The following CNPY1 variants were observed in gnomAD, a reference collection of about 807,000 sequenced individuals.
CNPY1 encodes the protein canopy FGF signaling regulator 1, also known as protein canopy homolog 1.
In CNPY1, 14 loss-of-function variants were observed where a neutral mutation model predicts 14.4. The observed-to-expected ratio is 0.97, with a 90% CI of 0.64 to 1.52. The LOEUF is 1.52. Among genes scored for constraint, CNPY1 ranks in the 40% most tolerant of loss-of-function variants. CNPY1 has a pLI of 0.00. For missense variants in CNPY1, 129 were observed against 131.5 expected, an observed-to-expected ratio of 0.98 and a Z score of 0.09; for synonymous variants, 43 against 46.5, an observed-to-expected ratio of 0.92 and a Z score of 0.31.
chr7:155,516,503 A>G (rs1194883474), intron 2 of CNPY1, among the ~76,000 whole-genome samples: 1 of 152,142 alleles, frequency 6.6e-6, no homozygotes, highest in Non-Finnish European at 1.5e-5. Flanking sequence ...GGGGACCTCA[A>G]TAGGAACTCT....
intron 2 of CNPY1, among the ~76,000 whole-genome samples, chr7:155,534,300 C>T (rs1392858099): frequency 1.3e-5 from 2 of 152,004 alleles, no homozygotes; most frequent in African/African-American, 2.4e-5. Context: ...CACACTCACA[C>T]GTGCATGCAC....
intron 2 of CNPY1, among the ~76,000 whole-genome samples, chr7:155,509,324 A>G (rs555959131): frequency 6.6e-6 from 1 of 152,224 alleles, no homozygotes; most frequent in Non-Finnish European, 1.5e-5. Flanking sequence ...AAAAGTGCAT[A>G]TATTTCAAAG....
intron 2 of CNPY1, among the ~76,000 whole-genome samples, chr7:155,512,949 C>A (rs1366732041): frequency 1.3e-5 from 2 of 152,170 alleles, no homozygotes; most frequent in African/African-American, 4.8e-5. Flanking sequence ...TAATCACTAA[C>A]TTTTCATCCA....
Position 155,507,019 on chromosome 7 carries a change from C to T in CNPY1, c.400+1G>A, listed in dbSNP as rs755298921. The T allele has an allele frequency of 9.4e-6, 15 of 1,596,214 alleles. 1 individual carries two copies. The South Asian group carries it at 1.7e-4, about 18-fold the overall frequency. On this transcript the variant is annotated splice_donor_variant, in intron 4 of 4. Coordinates refer to ENST00000636446, the MANE Select transcript of CNPY1 (RefSeq NM_001393663.1). LOFTEE classifies it high-confidence loss of function. ...AGCACATGTTACATCAGACACAGTA[C>T]CTGATTTTTCACTGCACAGCTTGTC...
At chr7:155,532,514 G>A (rs987766738) in intron 2 of CNPY1, among the ~76,000 whole-genome samples, 27 of 152,074 alleles carry the variant, frequency 1.8e-4, no homozygotes, top group Non-Finnish European at 2.2e-4. Flanking sequence ...CCAGCTACTC[G>A]GGAGGCTGAG....
chr7:155,530,271 A>G (rs1029142041), intron 2 of CNPY1, among the ~76,000 whole-genome samples: 2 of 149,972 alleles, frequency 1.3e-5, no homozygotes, highest in Non-Finnish European at 3.0e-5. Flanking sequence ...TTTAAATGGA[A>G]ATAAACACAC....
intron 2 of CNPY1, among the ~76,000 whole-genome samples, chr7:155,509,698 G>T (rs1285380674): frequency 3.3e-5 from 5 of 152,160 alleles, no homozygotes; most frequent in Admixed American, 3.3e-4. Context: ...GTGGACGTGG[G>T]GCTGGGAGAG....
chr7:155,516,058 C>A (rs1796616611), intron 2 of CNPY1, among the ~76,000 whole-genome samples: 1 of 152,040 alleles, frequency 6.6e-6, no homozygotes, highest in Admixed American at 6.5e-5. Flanking sequence ...ATGACATGCA[C>A]CCTGTCTATT....
chr7:155,515,831 T>C (rs1438349113), intron 2 of CNPY1, among the ~76,000 whole-genome samples: 2 of 152,110 alleles, frequency 1.3e-5, no homozygotes, highest in Admixed American at 1.3e-4. Context: ...TTAAAAACAT[T>C]TGTTAATGGA....
rs575994106 is a variant in CNPY1, at chr7:155,545,840, C to T, written c.90G>A (p.Glu30=). 3.3e-5 allele frequency: 13 copies of T among 398,660 alleles called. 1 individual carries two copies. In the South Asian group the frequency reaches 1.3e-3, roughly 39 times the overall value. 24.7% of individuals were successfully genotyped at this position (398,660 alleles called of 1,614,324 possible). The change falls in exon 2 of 5, where the codon GAG becomes GAA. Residue 30 remains glutamate (E), a synonymous_variant. Coordinates refer to ENST00000636446, the MANE Select transcript of CNPY1 (RefSeq NM_001393663.1). ...ATATCTTTTCCACTACCTTTCTCCT[C>T]TCCTGAGTCCCATCGGGATTGATTC... ...SFRINPDGTQ[E]RRKIPLAQSE...
chr7:155,503,750 C>A (rs116339883), intron 4 of CNPY1, among the ~76,000 whole-genome samples: 1,902 of 152,242 alleles, frequency 0.012, 34 homozygotes, highest in African/African-American at 0.044. Context: ...TGTGATGTGG[C>A]AAATTCATCA....
intron 2 of CNPY1, among the ~76,000 whole-genome samples, chr7:155,516,023 C>T (rs1358992565): frequency 4.6e-5 from 7 of 151,680 alleles, no homozygotes; most frequent in Non-Finnish European, 7.4e-5. Context: ...GTGTGTCCCC[C>T]CTCCTCTTTT....
intron 2 of CNPY1, among the ~76,000 whole-genome samples, chr7:155,532,297 C>T (rs1185590680): frequency 6.6e-6 from 1 of 152,174 alleles, no homozygotes; most frequent in Non-Finnish European, 1.5e-5. Context: ...CCCAACTGTT[C>T]TTAAACAGCC....
At chr7:155,527,914 G>T (rs1412690463) in intron 2 of CNPY1, among the ~76,000 whole-genome samples, 1 of 152,218 alleles carries the variant, frequency 6.6e-6, no homozygotes, top group Non-Finnish European at 1.5e-5. Flanking sequence ...CTGAGGCGTG[G>T]CCCTGGTGGC....
Position 155,540,718 on chromosome 7 carries a change from G to A in CNPY1, c.99+5113C>T, listed in dbSNP as rs570418377. On this transcript the variant is annotated intron_variant, in intron 2 of 4. Transcript: ENST00000636446. ...TCCTGGGTCCCTGTGGGTAACACAC[G>A]GCTTGCCCTGGTCATCCTGTATCCA... Among the ~76,000 whole-genome samples, 12 of 152,338 alleles carry A rather than the reference G, an allele frequency of 7.9e-5. No individual in the cohort carries two copies. The East Asian group carries it at 9.6e-4, about 12-fold the overall frequency.
Position 155,509,035 on chromosome 7 carries a change from C to G in CNPY1, c.162G>C (p.Met54Ile). The change falls in exon 3 of 5, where the codon ATG becomes ATC. Residue 54 changes from methionine to isoleucine, a missense_variant. Transcript: ENST00000636446. ...TDLLEKVCER[M>I]NDYKLEEDPV... ...GGTCTTCCTCAAGCTTGTAGTCGTT[C>G]ATTCGCTCACAGACTTTCTCCAAAA... 6.2e-7 allele frequency: 1 copy of G among 1,612,262 alleles called. No individual in the cohort carries two copies. Among genetic ancestry groups the G allele is most frequent in the Non-Finnish European group, 8.5e-7 (1 of 1,179,496 alleles).
At chr7:155,526,057 T>A (rs536144929) in intron 2 of CNPY1, among the ~76,000 whole-genome samples, 4 of 152,314 alleles carry the variant, frequency 2.6e-5, no homozygotes, top group Admixed American at 2.6e-4. Context: ...TAGAAATGTG[T>A]TACAGTACAT....
intron 2 of CNPY1, among the ~76,000 whole-genome samples, chr7:155,529,548 C>G (rs564309159): frequency 2.0e-5 from 3 of 152,104 alleles, no homozygotes. Context: ...TGCTGGCAAC[C>G]CTCGGCATTC....
intron 2 of CNPY1, among the ~76,000 whole-genome samples, chr7:155,526,223 G>A (rs1490763734): frequency 6.6e-6 from 1 of 152,222 alleles, no homozygotes; most frequent in African/African-American, 2.4e-5. Flanking sequence ...CCAACTCAGT[G>A]TGGGGGAGCA....
Sources: allele counts gnomAD v4.1 joint callset (sites outside exome capture counted in the v4.1 genomes callset), GRCh38; gene constraint gnomAD v4.1.1; transcripts MANE v1.5; gene names NCBI Gene and HGNC (gene_info 2026-07-23, HGNC 2026-07-21).